The following MAGOHB variants were observed in gnomAD, a reference collection of about 807,000 sequenced individuals.
MAGOHB encodes mago homolog B, exon junction complex subunit.
In MAGOHB, 15 loss-of-function variants were observed where a neutral mutation model predicts 20.9. That is an observed-to-expected ratio of 0.72 (90% confidence interval 0.48 to 1.11). The LOEUF (loss-of-function observed/expected upper bound fraction) is 1.11. MAGOHB is among the 50% of genes least tolerant of loss of function. The pLI is 0.00. For missense variants in MAGOHB, 162 were observed against 177.6 expected (o/e 0.91, Z 0.50); for synonymous variants, 50 against 57.9 (o/e 0.86, Z 0.62).
intron 1 of MAGOHB, among the ~76,000 whole-genome samples, 181 bp downstream of exon 1, chr12:10,613,258 G>C (rs1470337471): frequency 6.6e-6 from 1 of 152,176 alleles, no homozygotes; most frequent in Non-Finnish European, 1.5e-5. Context: ...GACAGGATTA[G>C]CTTTAATTTA....
downstream of MAGOHB, among the ~76,000 whole-genome samples, chr12:10,603,365 A>G (rs908031478): frequency 6.6e-6 from 1 of 151,890 alleles, no homozygotes; most frequent in African/African-American, 2.4e-5. Flanking sequence ...CTGTTTCCCT[A>G]ATCACCCTGT....
chr12:10,610,800 CTCCT>C, intron 1 of MAGOHB, 120 bp from the exon 2 acceptor site: 1 of 945,494 alleles, frequency 1.1e-6, no homozygotes, highest in South Asian at 2.1e-5. Context: ...TATTTCCTCC[CTCCT>C]TGTGTAAGAT....
chr12:10,605,300 A>T lies in MAGOHB; in HGVS notation c.*975T>A, dbSNP rs1027477240. The T allele has an allele frequency of 6.6e-6, 1 of 152,192 alleles. No individual in the cohort carries two copies. Among genetic ancestry groups the T allele is most frequent in the African/African-American group, 2.4e-5 (1 of 41,442 alleles). The allele number at this position is 152,192 out of a possible 1,614,324, so 9.4% of individuals were successfully genotyped here. Reference sequence around the variant, plus strand: ...CGACTCTAGAGCCTACCTGCTCAGGAGTCCTGGCAAGCCTTCAGAAACTAA... The same window carrying T: ...CGACTCTAGAGCCTACCTGCTCAGGTGTCCTGGCAAGCCTTCAGAAACTAA... On this transcript the variant is annotated 3_prime_UTR_variant, in exon 5 of 5. Transcript: ENST00000320756.
In MAGOHB at chr12:10,610,686, G is replaced by A. The variant is rs1865716844; in HGVS notation, c.95-6C>T. Reference sequence around the variant, plus strand: ...GTTGGCATATCTAAGCTTTCCTGTGGGAAGTGGAAAAAAATCAATTTATAA... The same window carrying A: ...GTTGGCATATCTAAGCTTTCCTGTGAGAAGTGGAAAAAAATCAATTTATAA... On this transcript the variant is annotated splice_polypyrimidine_tract_variant and splice_region_variant and intron_variant, in intron 1 of 4. Coordinates refer to ENST00000320756, the MANE Select transcript of MAGOHB (RefSeq NM_018048.5). 1 of 1,573,242 alleles carries A rather than the reference G, an allele frequency of 6.4e-7. No individual in the cohort carries two copies. Among genetic ancestry groups the A allele is most frequent in the Non-Finnish European group, 8.6e-7 (1 of 1,167,390 alleles).
At position 10,604,674 on chromosome 12, in the gene MAGOHB, A is replaced by G. The variant is rs1865593335; in HGVS notation, c.*1601T>C. ...GACATCTAAATGCAAGAAAATTACA[A>G]TACGATTTCATACTGCACAATCATC... On this transcript the variant is annotated 3_prime_UTR_variant, in exon 5 of 5. Coordinates refer to ENST00000320756, the MANE Select transcript of MAGOHB (RefSeq NM_018048.5). 1 of 152,232 alleles carries G rather than the reference A, an allele frequency of 6.6e-6. No individual in the cohort carries two copies. The highest frequency in any genetic ancestry group is 2.4e-5 in the African/African-American group (1 of 41,466). The allele number at this position is 152,232 out of a possible 1,614,324, so 9.4% of individuals were successfully genotyped here.
rs1481994394 is a variant in MAGOHB, at chr12:10,610,738, A to G, written c.95-58T>C. The stretch of plus-strand genomic sequence containing the variant: ...AGCAAAAACTGCTAAAAAAATTAAC[A>G]TCATATACAATTTTGAAGGTAAAGA... On this transcript the variant is annotated intron_variant, in intron 1 of 4. Coordinates refer to ENST00000320756, the MANE Select transcript of MAGOHB (RefSeq NM_018048.5). The G allele has an allele frequency of 1.1e-5, 17 of 1,482,068 alleles. No homozygotes were observed. The Admixed American group carries it at 3.0e-4, about 26-fold the overall frequency. The allele number at this position is 1,482,068 out of a possible 1,614,324, so 91.8% of individuals were successfully genotyped here.
rs765002443 is a variant in MAGOHB, at chr12:10,606,170, A to T, written c.*105T>A. 252 of 597,854 alleles carry T rather than the reference A, an allele frequency of 4.2e-4. No homozygotes were observed. Among genetic ancestry groups the T allele is most frequent in the Middle Eastern group, 1.9e-3 (5 of 2,578 alleles). The allele number at this position is 597,854 out of a possible 1,614,324, so 37.0% of individuals were successfully genotyped here. A position where few individuals can be genotyped will look rare whatever the true frequency, so the allele number is the denominator to read the frequency against. ...TTTCTTATTTTCAGTTTACATACAA[A>T]TTTTTTTTGTTTGCTTCACATTCAT... On this transcript the variant is annotated 3_prime_UTR_variant, in exon 5 of 5. Transcript: ENST00000320756.
Position 10,604,626 on chromosome 12 carries a change from C to T in MAGOHB, c.*1649G>A, listed in dbSNP as rs1368345441. ...GTGGGCCTACTGGAAGTTCAAAAGA[C>T]GATTGTTCCTGTTTCTGAGGTTGAC... On this transcript the variant is annotated 3_prime_UTR_variant, in exon 5 of 5. Transcript: ENST00000320756. The T allele has an allele frequency of 3.3e-5, 5 of 152,164 alleles. No homozygotes were observed. Among genetic ancestry groups the T allele is most frequent in the Admixed American group, 6.5e-5 (1 of 15,276 alleles). The allele number at this position is 152,164 out of a possible 1,614,324, so 9.4% of individuals were successfully genotyped here.
chr12:10,601,889 T>C (rs1300867081), downstream of MAGOHB, among the ~76,000 whole-genome samples: 3 of 152,182 alleles, frequency 2.0e-5, no homozygotes, highest in Non-Finnish European at 4.4e-5. Flanking sequence ...TCTTGTTTGT[T>C]TTTCTTCCCC....
rs369052516 is a variant in MAGOHB, at chr12:10,606,170, ATT to A, written c.*103_*104del. On this transcript the variant is annotated 3_prime_UTR_variant, in exon 5 of 5. Coordinates refer to ENST00000320756, the MANE Select transcript of MAGOHB (RefSeq NM_018048.5). Reference sequence around the variant, plus strand: ...TTTCTTATTTTCAGTTTACATACAAATTTTTTTTGTTTGCTTCACATTCATAA... The same window carrying A: ...TTTCTTATTTTCAGTTTACATACAAATTTTTTGTTTGCTTCACATTCATAA... 14 of 597,978 alleles carry A rather than the reference ATT, an allele frequency of 2.3e-5. No individual in the cohort carries two copies. The highest frequency in any genetic ancestry group is 2.2e-4 in the Admixed American group (6 of 26,938). 37.0% of individuals were successfully genotyped at this position (597,978 alleles called of 1,614,324 possible).
downstream of MAGOHB, among the ~76,000 whole-genome samples, chr12:10,603,223 G>A (rs891001554): frequency 6.6e-6 from 1 of 150,952 alleles, no homozygotes; most frequent in East Asian, 2.0e-4. Context: ...CTGAGGCAGG[G>A]AAATGGCATG....
At chr12:10,603,940 T>C (rs1004860252), downstream of MAGOHB, among the ~76,000 whole-genome samples, 3 of 152,212 alleles carry the variant, frequency 2.0e-5, no homozygotes, top group African/African-American at 7.2e-5. Flanking sequence ...AACAATAGAA[T>C]ATATAAATCA....
chr12:10,613,565 C>A lies in MAGOHB; in HGVS notation c.-33G>T. The A allele has an allele frequency of 6.9e-7, 1 of 1,446,708 alleles. No individual in the cohort carries two copies. The highest frequency in any genetic ancestry group is 9.7e-7 in the Non-Finnish European group (1 of 1,027,364). The allele number at this position is 1,446,708 out of a possible 1,614,324, so 89.6% of individuals were successfully genotyped here. A position where few individuals can be genotyped will look rare whatever the true frequency, so the allele number is the denominator to read the frequency against. The stretch of plus-strand genomic sequence containing the variant: ...CCCGGGAAGCCCGCCGAAAACGCAG[C>A]CAACGTGTCCCCCGGCGCCTTGCAG... On this transcript the variant is annotated 5_prime_UTR_variant, in exon 1 of 5. Transcript: ENST00000320756.
Position 10,609,902 on chromosome 12 carries a change from T to A in MAGOHB, c.193A>T (p.Ile65Phe). The A allele has an allele frequency of 6.2e-7, 1 of 1,611,938 alleles. No individual in the cohort carries two copies. The highest frequency in any genetic ancestry group is 8.5e-7 in the Non-Finnish European group (1 of 1,179,004). ...HKSVMEELKR[I>F]IDDSEITKED... ...TTTGTAATTTCACTGTCATCAATAA[T>A]TCTCTTCAGTTCTTCCATTACACTC... Residue 65 changes from isoleucine (I) to phenylalanine (F), a missense_variant, in exon 3 of 5, where the codon ATT (isoleucine) becomes TTT (phenylalanine). Transcript: ENST00000320756.
In MAGOHB at chr12:10,613,521, A is replaced by C; in HGVS notation, c.12T>G (p.Ala4=). 3 of 1,613,806 alleles carry C rather than the reference A, an allele frequency of 1.9e-6. No homozygotes were observed. Among genetic ancestry groups the C allele is most frequent in the Non-Finnish European group, 2.5e-6 (3 of 1,179,712 alleles). ...CGTAGTAGCGCAGGTAGAAATCGCT[A>C]GCCACAGCCATTTTTGTACCCGGGA... The part of the protein sequence containing the change: MAV[A]SDFYLRYYVG... Residue 4 remains alanine (A), a synonymous_variant, in exon 1 of 5, where the codon GCT becomes GCG. Coordinates refer to ENST00000320756, the MANE Select transcript of MAGOHB (RefSeq NM_018048.5).
chr12:10,606,082 G>T lies in MAGOHB; in HGVS notation c.*193C>A. On this transcript the variant is annotated 3_prime_UTR_variant, in exon 5 of 5. Coordinates refer to ENST00000320756, the MANE Select transcript of MAGOHB (RefSeq NM_018048.5). Reference sequence around the variant, plus strand: ...GGCTTTCATTTACAGAATTTAATGTGTGTGGGGACTGTCCAACCCATATGG... The same window carrying T: ...GGCTTTCATTTACAGAATTTAATGTTTGTGGGGACTGTCCAACCCATATGG... 1 of 409,388 alleles carries T rather than the reference G, an allele frequency of 2.4e-6. No individual in the cohort carries two copies. Among genetic ancestry groups the T allele is most frequent in the Non-Finnish European group, 4.4e-6 (1 of 226,334 alleles). 25.4% of individuals were successfully genotyped at this position (409,388 alleles called of 1,614,324 possible).
In MAGOHB at chr12:10,607,920, ATT is replaced by A. The variant is rs1865658118; in HGVS notation, c.279_280del (p.Ile94TrpfsTer3). 1 of 1,581,028 alleles carries A rather than the reference ATT, an allele frequency of 6.3e-7. No individual in the cohort carries two copies. The highest frequency in any genetic ancestry group is 2.3e-5 in the East Asian group (1 of 43,748). On this transcript the variant is annotated frameshift_variant, in exon 4 of 5. Transcript: ENST00000320756. LOFTEE classifies it high-confidence loss of function. ...GGTAAAAGATATGTGCTCATCTCCA[ATT>A]ACAATTTCAAGCTCCTAAAAAATAT...
chr12:10,612,519 C>T (rs1478896198), intron 1 of MAGOHB: 1 of 245,060 alleles, frequency 4.1e-6, no homozygotes, highest in Non-Finnish European at 6.6e-6. Flanking sequence ...CTTGCTCTCA[C>T]AGAACATTGT....
In MAGOHB at chr12:10,604,477, AACGGGGACAAAG is replaced by A. The variant is rs1453246574; in HGVS notation, c.*1786_*1797del. 1 of 152,210 alleles carries A rather than the reference AACGGGGACAAAG, an allele frequency of 6.6e-6. No individual in the cohort carries two copies. The highest frequency in any genetic ancestry group is 1.5e-5 in the Non-Finnish European group (1 of 68,032). The allele number at this position is 152,210 out of a possible 1,614,324, so 9.4% of individuals were successfully genotyped here. ...AAACGAAAACGTAAGGAAGTTAGAG[AACGGGGACAAAG>A]ACTTAAAGATTTTTCAACGTAAGCA... On this transcript the variant is annotated 3_prime_UTR_variant, in exon 5 of 5. Coordinates refer to ENST00000320756, the MANE Select transcript of MAGOHB (RefSeq NM_018048.5).
Sources: gnomAD v4.1 joint callset for allele counts (sites outside exome capture counted in the v4.1 genomes callset) on GRCh38, gnomAD v4.1.1 for gene constraint, MANE v1.5 for transcripts, NCBI Gene and HGNC (gene_info 2026-07-23, HGNC 2026-07-21) for gene names.